Variants in DPYD observed in about 807,000 individuals in gnomAD.
DPYD encodes dihydropyrimidine dehydrogenase [NADP(+)].
DPYD carries 109 observed loss-of-function variants against 116.2 expected under a neutral mutation model. That is an observed-to-expected ratio of 0.94 (90% CI 0.80 to 1.10). The LOEUF (loss-of-function observed/expected upper bound fraction) is 1.10. DPYD is among the 50% of genes least tolerant of loss of function. The pLI is 0.00. For missense variants in DPYD, 1,302 were observed against 1,254.5 expected (o/e 1.04, Z -0.57); for synonymous variants, 440 against 432.0 (o/e 1.02, Z -0.23).
In DPYD at chr1:97,740,439, G is replaced by T. The variant is rs143986398; in HGVS notation, c.274C>A (p.Pro92Thr). 6.2e-7 allele frequency: 1 copy of T among 1,612,982 alleles called. No homozygotes were observed. Among genetic ancestry groups the T allele is most frequent in the Admixed American group, 1.7e-5 (1 of 59,956 alleles). Reference protein sequence around the residue: ...CADAPCQKSCPTNLDIKSFIT... With the variant: ...CADAPCQKSCTTNLDIKSFIT... ...AATGATTTAATATCAAGATTAGTTG[G>T]ACAGCTCTTCTGACACGGGGCATCT... Residue 92 changes from proline to threonine, a missense_variant, in exon 4 of 23, where the codon CCA (proline) becomes ACA (threonine). Pro to Thr is a conservative substitution (Grantham distance 38). Transcript: ENST00000370192.
At chr1:97,544,694 A>T (rs1261195919) in intron 12 of DPYD, among the ~76,000 whole-genome samples, 2 of 151,652 alleles carry the variant, frequency 1.3e-5, no homozygotes, top group African/African-American at 2.4e-5. Context: ...AAACATTAAG[A>T]TTCCTTTAGA....
rs879583305 is a variant in DPYD, at chr1:97,079,094, G to A, written c.2960C>T (p.Thr987Ile). 1.2e-6 allele frequency: 2 copies of A among 1,613,756 alleles called. No homozygotes were observed. Among genetic ancestry groups the A allele is most frequent in the Non-Finnish European group, 1.7e-6 (2 of 1,179,726 alleles). ...AACACTGAGACACAGAGTACAGCCT[G>A]TACAAGTGTCGGTTATGGTGGGCAG... Reference protein sequence around the residue: ...THLPTITDTCTGCTLCLSVCP... With the variant: ...THLPTITDTCIGCTLCLSVCP... Residue 987 changes from threonine to isoleucine, a missense_variant, in exon 23 of 23, where the codon ACA becomes ATA. Thr to Ile is a moderately conservative substitution (Grantham distance 89). Coordinates refer to ENST00000370192, the MANE Select transcript of DPYD (RefSeq NM_000110.4).
At chr1:97,609,897 T>C (rs1033007867) in intron 8 of DPYD, among the ~76,000 whole-genome samples, 6 of 152,014 alleles carry the variant, frequency 3.9e-5, no homozygotes, top group African/African-American at 1.4e-4. Flanking sequence ...TTTGGAATGA[T>C]TTTAGGTAAG....
At chr1:97,258,866 G>C (rs905892391) in intron 18 of DPYD, among the ~76,000 whole-genome samples, 1 of 152,050 alleles carries the variant, frequency 6.6e-6, no homozygotes, top group Non-Finnish European at 1.5e-5. Flanking sequence ...TAAACACAAG[G>C]GCTTGGACTA....
intron 12 of DPYD, among the ~76,000 whole-genome samples, chr1:97,535,808 T>C (rs1221982517): frequency 1.3e-5 from 2 of 152,162 alleles, no homozygotes; most frequent in African/African-American, 2.4e-5. Flanking sequence ...TTAGAACATA[T>C]GGATGTTACA....
chr1:97,853,526 C>T (rs552992288), intron 2 of DPYD, among the ~76,000 whole-genome samples: 16 of 152,304 alleles, frequency 1.1e-4, no homozygotes, highest in African/African-American at 3.1e-4. Flanking sequence ...ATACATATTA[C>T]ACTACATGTG....
chr1:97,431,750 A>C (rs1260974813), intron 14 of DPYD, among the ~76,000 whole-genome samples: 1 of 152,124 alleles, frequency 6.6e-6, no homozygotes, highest in African/African-American at 2.4e-5. Context: ...TATGCAATTA[A>C]TTATTGTTAA....
chr1:97,367,139 C>T (rs572861423), intron 16 of DPYD, among the ~76,000 whole-genome samples: 1 of 152,166 alleles, frequency 6.6e-6, no homozygotes, highest in South Asian at 2.1e-4. Flanking sequence ...ATCTGGGGCA[C>T]TGTGGTCCTC....
chr1:97,754,371 TA>T (rs1051651592), intron 3 of DPYD, among the ~76,000 whole-genome samples: 1 of 151,854 alleles, frequency 6.6e-6, no homozygotes, highest in African/African-American at 2.4e-5. Flanking sequence ...AACAGGAAAA[TA>T]AAAAAGCTAA....
At chr1:97,228,248 T>G (rs886566264) in intron 19 of DPYD, among the ~76,000 whole-genome samples, 5 of 151,980 alleles carry the variant, frequency 3.3e-5, no homozygotes, top group African/African-American at 7.2e-5. Context: ...ATGAATGAAT[T>G]ATTCTCTGTG....
chr1:97,755,130 G>A (rs765965872), intron 3 of DPYD, among the ~76,000 whole-genome samples: 29 of 152,120 alleles, frequency 1.9e-4, no homozygotes, highest in South Asian at 6.2e-4. Context: ...TTTCCTGCTT[G>A]TAGGTCTCAA....
At chr1:97,533,137 A>C (rs997138225) in intron 12 of DPYD, among the ~76,000 whole-genome samples, 1 of 148,960 alleles carries the variant, frequency 6.7e-6, no homozygotes, top group Admixed American at 6.7e-5. Flanking sequence ...CCCATGATTC[A>C]ATCACCCCCC....
intron 4 of DPYD, among the ~76,000 whole-genome samples, chr1:97,733,451 C>G (rs72977744): frequency 2.0e-5 from 3 of 151,942 alleles, no homozygotes; most frequent in African/African-American, 7.2e-5. Flanking sequence ...AAATTTTTTT[C>G]TAAAAGTAGT....
rs1360807462 is a variant in DPYD at position 97,350,830 on chromosome 1, C to T, written c.2058+22731G>A. On this transcript the variant is annotated intron_variant, in intron 16 of 22. Coordinates refer to ENST00000370192, the MANE Select transcript of DPYD (RefSeq NM_000110.4). ...ATATGAGATTCAACAGCAACCGATA[C>T]TGTGTGCTTTTAAAAATGAGTGTGT... Among the ~76,000 whole-genome samples, 3 of 152,146 alleles carry T rather than the reference C, an allele frequency of 2.0e-5. No homozygotes were observed. In the East Asian group the frequency reaches 5.8e-4, roughly 29 times the overall value.
intron 16 of DPYD, among the ~76,000 whole-genome samples, chr1:97,322,437 T>C (rs1195792819): frequency 3.3e-5 from 5 of 151,918 alleles, no homozygotes; most frequent in African/African-American, 4.8e-5. Flanking sequence ...GAAATAATAA[T>C]ACTAAGGAAA....
At chr1:97,379,673 G>A (rs74105145) in intron 15 of DPYD, among the ~76,000 whole-genome samples, 18,053 of 152,202 alleles carry the variant, frequency 0.12, 1,404 homozygotes, top group South Asian at 0.29. Flanking sequence ...TTTAGAAGAA[G>A]CATCACACCC....
At chr1:97,352,861 T>C (rs1180463147) in intron 16 of DPYD, among the ~76,000 whole-genome samples, 2 of 152,118 alleles carry the variant, frequency 1.3e-5, no homozygotes, top group Non-Finnish European at 2.9e-5. Context: ...AGAGAATTTG[T>C]TTTTCTGTAT....
intron 15 of DPYD, among the ~76,000 whole-genome samples, chr1:97,376,863 G>GT (rs1048702042): frequency 7.1e-6 from 1 of 140,878 alleles, no homozygotes; most frequent in African/African-American, 2.7e-5. Context: ...GAAAGAGAGA[G>GT]TTTGTGTGTG....
chr1:97,117,808 A>G (rs1283441905), intron 20 of DPYD, among the ~76,000 whole-genome samples: 1 of 152,164 alleles, frequency 6.6e-6, no homozygotes, highest in Non-Finnish European at 1.5e-5. Context: ...CTGATAAAAC[A>G]ATTAGCTAGT....
Sources: allele counts gnomAD v4.1 joint callset (sites outside exome capture counted in the v4.1 genomes callset), GRCh38; gene constraint gnomAD v4.1.1; transcripts MANE v1.5; gene names NCBI Gene and HGNC (gene_info 2026-07-23, HGNC 2026-07-21).